Variants in FMO4 observed in about 807,000 individuals in gnomAD.
FMO4 encodes dimethylaniline monooxygenase [N-oxide-forming] 4.
FMO4 carries 38 observed loss-of-function variants against 43.3 expected under a neutral mutation model. That is an observed-to-expected ratio of 0.88 (90% CI 0.68 to 1.15). The LOEUF (loss-of-function observed/expected upper bound fraction) is 1.15. FMO4 is among the 50% of genes most tolerant of loss of function. The pLI, the probability that FMO4 is intolerant of heterozygous loss-of-function variation, is 0.00. For missense variants in FMO4, 631 were observed against 663.3 expected (o/e 0.95, Z 0.54); for synonymous variants, 224 against 232.2 (o/e 0.96, Z 0.32).
chr1:171,319,991 C>A (rs768542854), intron 3 of FMO4, 34 bp downstream of exon 3: 1 of 1,610,770 alleles, frequency 6.2e-7, no homozygotes, highest in South Asian at 1.1e-5. Context: ...CATGATCTGG[C>A]CATTTGCTTT....
At position 171,322,891 on chromosome 1, in the gene FMO4, G is replaced by A. The variant is rs932593523; in HGVS notation, c.133-113G>A. 12 of 709,540 alleles carry A rather than the reference G, an allele frequency of 1.7e-5. No homozygotes were observed. The African/African-American group carries it at 2.0e-4, about 12-fold the overall frequency. 44.0% of individuals were successfully genotyped at this position (709,540 alleles called of 1,614,324 possible). On this transcript the variant is annotated intron_variant, in intron 3 of 9. Coordinates refer to ENST00000367749, the MANE Select transcript of FMO4 (RefSeq NM_002022.3). ...ATAAAAGTAAATAAAATTACAAATGGAACATTAATTGCTATAACCCGCCCT... is the reference window on the plus strand; with the variant it reads ...ATAAAAGTAAATAAAATTACAAATGAAACATTAATTGCTATAACCCGCCCT...
At chr1:171,326,873 A>C (rs1436187170) in intron 5 of FMO4, among the ~76,000 whole-genome samples, 1 of 152,208 alleles carries the variant, frequency 6.6e-6, no homozygotes, top group African/African-American at 2.4e-5. Context: ...TTTTCTTTCC[A>C]ATATAAATTG....
chr1:171,330,291 C>T (rs1294102986), intron 5 of FMO4, among the ~76,000 whole-genome samples: 2 of 152,238 alleles, frequency 1.3e-5, no homozygotes, highest in African/African-American at 2.4e-5. Context: ...CTGGCCATCA[C>T]TGGCCTCATC....
In FMO4 at chr1:171,323,078, C is replaced by T. The variant is rs150345680; in HGVS notation, c.207C>T (p.Tyr69=). The T allele has an allele frequency of 1.4e-4, 219 of 1,612,776 alleles. 2 individuals are homozygous for T. The African/African-American group carries it at 2.7e-3, about 20-fold the overall frequency. The change falls in exon 4 of 10, where the codon TAC becomes TAT. Residue 69 remains tyrosine (Y), a synonymous_variant. Transcript: ENST00000367749. ...ATGTCTGTAAGGAAATGTCATGTTA[C>T]AGTGACTTCCCTTTCCACGAAGATT... The part of the protein sequence containing the change: ...VTNVCKEMSC[Y]SDFPFHEDYP...
chr1:171,322,159 A>T (rs1378483976), intron 3 of FMO4, among the ~76,000 whole-genome samples: 1 of 152,158 alleles, frequency 6.6e-6, no homozygotes, highest in Admixed American at 6.5e-5. Flanking sequence ...GCTGAAGGGG[A>T]CATAGGTTGA....
intron 3 of FMO4, among the ~76,000 whole-genome samples, chr1:171,321,768 A>G (rs1034826047): frequency 6.6e-6 from 1 of 152,196 alleles, no homozygotes; most frequent in Admixed American, 6.5e-5. Flanking sequence ...AATGATAAAC[A>G]AGGTAGACAG....
intron 3 of FMO4, among the ~76,000 whole-genome samples, chr1:171,321,416 T>C (rs1258561215): frequency 6.6e-6 from 1 of 152,130 alleles, no homozygotes; most frequent in Non-Finnish European, 1.5e-5. Flanking sequence ...TAATAGAAAA[T>C]GGCATAATAT....
intron 5 of FMO4, among the ~76,000 whole-genome samples, chr1:171,326,432 AC>A: frequency 6.6e-6 from 1 of 152,344 alleles, no homozygotes; most frequent in South Asian, 2.1e-4. Flanking sequence ...CAAAGAATTT[AC>A]TTGAGTCAAA....
chr1:171,323,965 T>C (rs1380234709), intron 4 of FMO4, among the ~76,000 whole-genome samples, 173 bp from the exon 5 acceptor site: 2 of 152,230 alleles, frequency 1.3e-5, no homozygotes, highest in Non-Finnish European at 2.9e-5. Context: ...ATTGCCACCT[T>C]TGTGAGTTTG....
At chr1:171,332,603 T>C (rs1662946149) in intron 6 of FMO4, 106 bp from the exon 7 acceptor site, 1 of 852,132 alleles carries the variant, frequency 1.2e-6, no homozygotes, top group Non-Finnish European at 1.9e-6. Context: ...CAATCCTCTG[T>C]TGTTAAAAGA....
In FMO4 at chr1:171,331,845, A is replaced by C. The variant is rs983137895; in HGVS notation, c.627+63A>C. 8 of 1,473,466 alleles carry C rather than the reference A, an allele frequency of 5.4e-6. No homozygotes were observed. The African/African-American group carries it at 1.1e-4, about 20-fold the overall frequency. 91.3% of individuals were successfully genotyped at this position (1,473,466 alleles called of 1,614,324 possible). A position where few individuals can be genotyped will look rare whatever the true frequency, so the allele number is the denominator to read the frequency against. ...TCAGTTATGATGGCTGGAAAGAGAT[A>C]TTCAAAACTATGAAGTACATTGGCC... On this transcript the variant is annotated intron_variant, in intron 6 of 9. Transcript: ENST00000367749.
At position 171,324,234 on chromosome 1, in the gene FMO4, T is replaced by G. The variant is rs1558036803; in HGVS notation, c.418T>G (p.Phe140Val). 5 of 1,613,818 alleles carry G rather than the reference T, an allele frequency of 3.1e-6. No homozygotes were observed. The highest frequency in any genetic ancestry group is 3.4e-6 in the Non-Finnish European group (4 of 1,179,816). ...ETEGKQNRAV[F>V]DAVMVCTGHF... is the part of the protein sequence containing the mutation. ...AGAGGGCAAGCAAAATAGAGCTGTC[T>G]TTGATGCTGTTATGGTTTGCACTGG... Residue 140 changes from phenylalanine to valine, a missense_variant, in exon 5 of 10, where the codon TTT (phenylalanine) becomes GTT (valine). Transcript: ENST00000367749.
chr1:171,334,812 C>A, intron 8 of FMO4, 49 bp downstream of exon 8: 1 of 1,111,160 alleles, frequency 9.0e-7, no homozygotes, highest in Non-Finnish European at 1.3e-6. Context: ...AAAATTGGTG[C>A]CCTGCCATTT....
In FMO4 at chr1:171,342,034, ACCC is replaced by A; in HGVS notation, c.*196_*198del. On this transcript the variant is annotated 3_prime_UTR_variant, in exon 10 of 10. Transcript: ENST00000367749. ...TGCCACCCTTTCCAATGCATCTTCT[ACCC>A]TGCTACCTCAGTGATTATTCTAAAA... 1 of 564,444 alleles carries A rather than the reference ACCC, an allele frequency of 1.8e-6. No individual in the cohort carries two copies. The highest frequency in any genetic ancestry group is 2.4e-5 in the South Asian group (1 of 41,228). The allele number at this position is 564,444 out of a possible 1,614,324, so 35.0% of individuals were successfully genotyped here. A position where few individuals can be genotyped will look rare whatever the true frequency, so the allele number is the denominator to read the frequency against.
chr1:171,332,630 T>C, intron 6 of FMO4, 79 bp from the exon 7 acceptor site: 3 of 1,188,886 alleles, frequency 2.5e-6, no homozygotes, highest in Non-Finnish European at 3.7e-6. Context: ...TGGAATAAGA[T>C]CATTTGAAAC....
intron 5 of FMO4, among the ~76,000 whole-genome samples, chr1:171,330,458 T>A (rs1022740590): frequency 1.3e-5 from 2 of 152,226 alleles, no homozygotes; most frequent in Admixed American, 1.3e-4. Flanking sequence ...GACTGGGTAA[T>A]TCATAAAGGA....
chr1:171,318,126 G>A (rs1301961393), intron 2 of FMO4, among the ~76,000 whole-genome samples: 1 of 151,924 alleles, frequency 6.6e-6, no homozygotes, highest in African/African-American at 2.4e-5. Flanking sequence ...GACCAGCCTG[G>A]CCAACATGGT....
intron 5 of FMO4, among the ~76,000 whole-genome samples, chr1:171,330,462 T>A (rs527697046): frequency 5.3e-5 from 8 of 152,156 alleles, no homozygotes; most frequent in Non-Finnish European, 1.2e-4. Context: ...GGGTAATTCA[T>A]AAAGGAAAGA....
intron 6 of FMO4, among the ~76,000 whole-genome samples, chr1:171,332,478 A>G (rs1662941158): frequency 6.6e-6 from 1 of 152,192 alleles, no homozygotes; most frequent in Admixed American, 6.5e-5. Flanking sequence ...CTATATTTAT[A>G]ATTCTATAAA....
Sources: gnomAD v4.1 joint callset for allele counts (sites outside exome capture counted in the v4.1 genomes callset) on GRCh38, gnomAD v4.1.1 for gene constraint, MANE v1.5 for transcripts, NCBI Gene and HGNC (gene_info 2026-07-23, HGNC 2026-07-21) for gene names.